The following PDE1A variants were observed in gnomAD, a reference collection of about 807,000 sequenced individuals.
PDE1A encodes the protein phosphodiesterase 1A, also known as dual specificity calcium/calmodulin-dependent 3',5'-cyclic nucleotide phosphodiesterase 1A.
PDE1A carries 35 observed loss-of-function variants against 61.7 expected under a neutral mutation model. The observed-to-expected ratio is 0.57, with a 90% confidence interval of 0.43 to 0.75. The LOEUF (loss-of-function observed/expected upper bound fraction) is 0.75, where lower values mean the gene tolerates loss of function less well. Ranked by LOEUF, PDE1A falls within the 30% of genes least tolerant of loss-of-function variation. PDE1A has a pLI of 0.00. For synonymous variants in PDE1A, 232 were observed against 213.2 expected, an observed-to-expected ratio of 1.09 and a Z score of -0.77; for missense variants, 597 against 630.6, an observed-to-expected ratio of 0.95 and a Z score of 0.57.
chr2:182,291,584 T>C (rs956929659), intron 1 of PDE1A, among the ~76,000 whole-genome samples: 1 of 152,142 alleles, frequency 6.6e-6, no homozygotes, highest in African/African-American at 2.4e-5. Flanking sequence ...GCAGAAAAAA[T>C]ATACCAATTC....
intron 1 of PDE1A, among the ~76,000 whole-genome samples, chr2:182,289,509 C>A (rs929564328): frequency 1.3e-5 from 2 of 152,076 alleles, no homozygotes; most frequent in Non-Finnish European, 1.5e-5. Flanking sequence ...GGCTAGACAT[C>A]ACTCCCTGTG....
intron 1 of PDE1A, among the ~76,000 whole-genome samples, chr2:182,406,534 C>T (rs1035093364): frequency 1.3e-5 from 2 of 152,158 alleles, no homozygotes; most frequent in Non-Finnish European, 2.9e-5. Flanking sequence ...AAATAAGAAG[C>T]TATTTCCCAC....
At chr2:182,627,157 T>C in the PDE1A span, among the ~76,000 whole-genome samples, 3 of 66,118 alleles carry the variant, frequency 4.5e-5, no homozygotes, top group African/African-American at 6.6e-5. Context: ...TATTTATATA[T>C]AAAATATAAA....
chr2:182,596,590 A>G, the PDE1A span, among the ~76,000 whole-genome samples: 1 of 152,210 alleles, frequency 6.6e-6, no homozygotes, highest in African/African-American at 2.4e-5. Context: ...AGGTAACTCC[A>G]TTGAAAAACA....
chr2:182,678,316 G>A, the PDE1A span, among the ~76,000 whole-genome samples: 5 of 152,118 alleles, frequency 3.3e-5, no homozygotes, highest in African/African-American at 1.2e-4. Flanking sequence ...CCAGCTACTC[G>A]GGAGGCTGAG....
intron 6 of PDE1A, among the ~76,000 whole-genome samples, chr2:182,229,458 C>T (rs1279579544): frequency 6.6e-6 from 1 of 152,116 alleles, no homozygotes; most frequent in Non-Finnish European, 1.5e-5. Flanking sequence ...GTCATACACT[C>T]ACTGTTATTT....
At chr2:182,429,940 A>C (rs1703847449), upstream of PDE1A, among the ~76,000 whole-genome samples, 1 of 152,170 alleles carries the variant, frequency 6.6e-6, no homozygotes, top group African/African-American at 2.4e-5. Context: ...GTCAAATAGG[A>C]CGTGAGACCA....
intron 2 of PDE1A, among the ~76,000 whole-genome samples, chr2:182,485,107 A>T (rs973874972): frequency 2.0e-5 from 3 of 152,130 alleles, no homozygotes; most frequent in Admixed American, 1.3e-4. Flanking sequence ...AAAGATATGG[A>T]ATTAACCTAA....
intron 13 of PDE1A, among the ~76,000 whole-genome samples, chr2:182,153,746 T>A (rs553188460): frequency 6.6e-6 from 1 of 152,240 alleles, no homozygotes; most frequent in South Asian, 2.1e-4. Flanking sequence ...ATGATCAGAT[T>A]TGGCTCGTAG....
intron 2 of PDE1A, among the ~76,000 whole-genome samples, chr2:182,245,488 A>G (rs900209016): frequency 1.3e-5 from 2 of 152,100 alleles, no homozygotes; most frequent in African/African-American, 4.8e-5. Context: ...AAAAATCCCT[A>G]TACTTCATCT....
intron 1 of PDE1A, among the ~76,000 whole-genome samples, chr2:182,383,207 A>G (rs2125326099): frequency 6.6e-6 from 1 of 152,270 alleles, no homozygotes; most frequent in African/African-American, 2.4e-5. Flanking sequence ...ATTTCCACCC[A>G]TACTTCAAGA....
intron 1 of PDE1A, among the ~76,000 whole-genome samples, chr2:182,331,315 C>A (rs1444145038): frequency 6.6e-6 from 1 of 152,182 alleles, no homozygotes; most frequent in African/African-American, 2.4e-5. Flanking sequence ...ATTTGCCAGT[C>A]TGTGTCTTTT....
At chr2:182,142,351 A>C (rs1343511497), downstream of PDE1A, 1 of 152,144 alleles carries the variant, frequency 6.6e-6, no homozygotes. Context: ...TCGTGCTTTG[A>C]AACCATGGGG....
chr2:182,330,346 A>T (rs1318190970), intron 1 of PDE1A, among the ~76,000 whole-genome samples: 2 of 1,804 alleles, frequency 1.1e-3, no homozygotes, highest in South Asian at 0.026. Context: ...CTCAGTCTTA[A>T]AAAAAAAAAA....
intron 2 of PDE1A, among the ~76,000 whole-genome samples, chr2:182,436,824 T>C (rs1684457557): frequency 6.6e-6 from 1 of 152,058 alleles, no homozygotes; most frequent in Non-Finnish European, 1.5e-5. Flanking sequence ...ATTACAGTAA[T>C]AGGATTTGAA....
chr2:182,180,453 G>C (rs542841587), intron 13 of PDE1A, among the ~76,000 whole-genome samples: 1 of 152,230 alleles, frequency 6.6e-6, no homozygotes, highest in South Asian at 2.1e-4. Context: ...TGAGAGATCT[G>C]CTGTTAGTCT....
intron 1 of PDE1A, among the ~76,000 whole-genome samples, chr2:182,282,959 T>A (rs557212539): frequency 6.6e-6 from 1 of 152,120 alleles, no homozygotes; most frequent in East Asian, 1.9e-4. Context: ...AAGAGGCATG[T>A]CTAAAACAAG....
chr2:182,403,958 T>C (rs749867135), intron 1 of PDE1A, among the ~76,000 whole-genome samples: 1 of 152,118 alleles, frequency 6.6e-6, no homozygotes, highest in African/African-American at 2.4e-5. Context: ...ATTCTGCACA[T>C]GTACCCCAGA....
At chr2:182,144,004 G>C (rs79407247), downstream of PDE1A, among the ~76,000 whole-genome samples, 1 of 152,158 alleles carries the variant, frequency 6.6e-6, no homozygotes, top group African/African-American at 2.4e-5. Context: ...AAGTGGGCCA[G>C]TGTGAGTGTA....
Sources: allele counts gnomAD v4.1 joint callset (sites outside exome capture counted in the v4.1 genomes callset), GRCh38; gene constraint gnomAD v4.1.1; transcripts MANE v1.5; gene names NCBI Gene and HGNC (gene_info 2026-07-23, HGNC 2026-07-21).